The following ILRUN variants were observed in gnomAD, a reference collection of about 807,000 sequenced individuals.
The protein encoded by ILRUN is protein ILRUN.
In ILRUN, 3 loss-of-function variants were observed where a neutral mutation model predicts 33.8. The ratio of observed to expected loss-of-function variants is 0.09; its 90% CI spans 0.04 to 0.23. ILRUN has a LOEUF of 0.23. Among genes scored for constraint, ILRUN ranks in the 10% least tolerant of loss-of-function variants. The probability of loss-of-function intolerance (pLI) is 1.00; values close to 1 mark genes in which losing one functional copy is unlikely to be tolerated. For missense variants in ILRUN, 210 were observed against 375.1 expected, an observed-to-expected ratio of 0.56 and a Z score of 3.64; for synonymous variants, 124 against 138.9, an observed-to-expected ratio of 0.89 and a Z score of 0.75.
chr6:34,646,593 A>T lies in ILRUN; in HGVS notation c.511+8T>A, dbSNP rs201374582. On this transcript the variant is annotated splice_region_variant and intron_variant, in intron 3 of 4. Transcript: ENST00000374023. This position sits in a 1 kb window ranked among gnomAD's most constrained non-coding sequence, Gnocchi z 4.9. The stretch of plus-strand genomic sequence containing the variant: ...CCTTTACCCTGGGCTGCACAAGGAC[A>T]TACTCACCTCCATAGTAGAGTCCTG... The T allele has an allele frequency of 5.5e-4, 883 of 1,613,426 alleles. No homozygotes were observed. Among genetic ancestry groups the T allele is most frequent in the Non-Finnish European group, 6.9e-4 (809 of 1,179,650 alleles).
intron 1 of ILRUN, among the ~76,000 whole-genome samples, chr6:34,679,924 G>C (rs529161613): frequency 2.6e-5 from 4 of 152,374 alleles, no homozygotes; most frequent in South Asian, 2.1e-4. Context: ...AAAGAGGCAA[G>C]AAGGGATGCT....
chr6:34,638,665 A>C (rs977089420), intron 3 of ILRUN, among the ~76,000 whole-genome samples: 11 of 152,044 alleles, frequency 7.2e-5, no homozygotes, highest in Non-Finnish European at 1.6e-4. Flanking sequence ...TGATCACACC[A>C]CTGCATTCCA....
At chr6:34,622,883 G>A (rs1354616193) in intron 3 of ILRUN, among the ~76,000 whole-genome samples, 1 of 152,172 alleles carries the variant, frequency 6.6e-6, no homozygotes. Context: ...TGAACAAAAT[G>A]TAGTATATAT....
chr6:34,662,954 C>T (rs1009481451), intron 1 of ILRUN, among the ~76,000 whole-genome samples: 1 of 151,960 alleles, frequency 6.6e-6, no homozygotes, highest in Non-Finnish European at 1.5e-5. Flanking sequence ...TGGGACTACA[C>T]AGGGTGGTGT....
chr6:34,611,862 C>G (rs1266092287), intron 3 of ILRUN, among the ~76,000 whole-genome samples: 2 of 152,142 alleles, frequency 1.3e-5, no homozygotes, highest in Non-Finnish European at 1.5e-5. Context: ...AAAACTCACA[C>G]CTAACAGGAA....
chr6:34,623,927 G>A (rs1406036904), intron 3 of ILRUN, among the ~76,000 whole-genome samples: 1 of 152,122 alleles, frequency 6.6e-6, no homozygotes, highest in African/African-American at 2.4e-5. Context: ...TGCCTCCTGG[G>A]TTCAAGCGAT....
chr6:34,600,757 T>C (rs961868225), intron 4 of ILRUN, among the ~76,000 whole-genome samples: 6 of 152,162 alleles, frequency 3.9e-5, no homozygotes, highest in Non-Finnish European at 7.3e-5. Context: ...AAAAGTCACA[T>C]AATATTTGGT....
chr6:34,682,251 GTTTTTTTTTTTTTTTTT>G (rs66948142), intron 1 of ILRUN, among the ~76,000 whole-genome samples: 1 of 51,072 alleles, frequency 2.0e-5, no homozygotes, highest in Admixed American at 2.0e-4. Context: ...TGCAACCTCT[GTTTTTTTTTTTTTTTTT>G]TTTTTTTTTG....
chr6:34,640,296 G>C (rs975035876), intron 3 of ILRUN, among the ~76,000 whole-genome samples: 2 of 152,006 alleles, frequency 1.3e-5, no homozygotes, highest in Non-Finnish European at 2.9e-5. Flanking sequence ...CTCTGAGAGA[G>C]CACAGCCAAG....
At chr6:34,647,482 G>C (rs375026224) in intron 2 of ILRUN, among the ~76,000 whole-genome samples, 1 of 152,160 alleles carries the variant, frequency 6.6e-6, no homozygotes, top group Non-Finnish European at 1.5e-5. Flanking sequence ...GCACTAGTTG[G>C]AGGAGTTGGA....
At chr6:34,677,819 C>T (rs1299374592) in intron 1 of ILRUN, among the ~76,000 whole-genome samples, 4 of 151,738 alleles carry the variant, frequency 2.6e-5, no homozygotes, top group Admixed American at 6.6e-5. Context: ...TGTGGTGGCA[C>T]GTGCCTTTAA....
intron 3 of ILRUN, among the ~76,000 whole-genome samples, chr6:34,628,305 G>A (rs1762179326): frequency 6.6e-6 from 1 of 151,458 alleles, no homozygotes; most frequent in African/African-American, 2.4e-5. Context: ...ACAGCCATGA[G>A]TCACTGAGCC....
intron 1 of ILRUN, among the ~76,000 whole-genome samples, chr6:34,681,355 C>G (rs375503766): frequency 3.8e-4 from 58 of 152,274 alleles, no homozygotes; most frequent in African/African-American, 6.5e-4. Context: ...AACTGCCCCC[C>G]CTCCCAAGAC....
chr6:34,640,994 G>A (rs1217312643), intron 3 of ILRUN, among the ~76,000 whole-genome samples: 11 of 147,432 alleles, frequency 7.5e-5, no homozygotes, highest in Admixed American at 3.5e-4. Flanking sequence ...CAAGAGAATC[G>A]CTTGAACCTG....
chr6:34,637,864 CTGTTGT>C (rs57559266), intron 3 of ILRUN, among the ~76,000 whole-genome samples: 13,482 of 141,946 alleles, frequency 0.095, 791 homozygotes, highest in Non-Finnish European at 0.12. Context: ...GCTGCTGCTG[CTGTTGT>C]TGTTGTTGTT....
chr6:34,676,361 T>G (rs967245868), intron 1 of ILRUN, among the ~76,000 whole-genome samples: 4 of 151,560 alleles, frequency 2.6e-5, no homozygotes, highest in African/African-American at 9.7e-5. Flanking sequence ...ATTCTAGGAC[T>G]GTACTCTAGC....
In ILRUN at chr6:34,588,202, A is replaced by T. The variant is rs927439370; in HGVS notation, c.*2363T>A. Reference sequence around the variant, plus strand: ...CAAGGAGCTCATCTCGCCTCCAAGGATGTGCACAGAAATGGTTTGTTCTTG... The same window carrying T: ...CAAGGAGCTCATCTCGCCTCCAAGGTTGTGCACAGAAATGGTTTGTTCTTG... On this transcript the variant is annotated 3_prime_UTR_variant, in exon 5 of 5. Transcript: ENST00000374023. 3 of 398,520 alleles carry T rather than the reference A, an allele frequency of 7.5e-6. No individual in the cohort carries two copies. Among genetic ancestry groups the T allele is most frequent in the African/African-American group, 2.1e-5 (1 of 48,614 alleles). The allele number at this position is 398,520 out of a possible 1,614,324, so 24.7% of individuals were successfully genotyped here.
chr6:34,588,468 A>T lies in ILRUN; in HGVS notation c.*2097T>A. Reference sequence around the variant, plus strand: ...GGAGATGTGCTGCTTCAAGGCTACTAAGCAGTAAGAACAGCTGGGCATGCA... The same window carrying T: ...GGAGATGTGCTGCTTCAAGGCTACTTAGCAGTAAGAACAGCTGGGCATGCA... On this transcript the variant is annotated 3_prime_UTR_variant, in exon 5 of 5. Transcript: ENST00000374023. 2.7e-6 allele frequency: 1 copy of T among 370,896 alleles called. No homozygotes were observed. The highest frequency in any genetic ancestry group is 3.9e-5 in the East Asian group (1 of 25,780). 23.0% of individuals were successfully genotyped at this position (370,896 alleles called of 1,614,324 possible).
chr6:34,695,023 C>T (rs1189283781), intron 1 of ILRUN, among the ~76,000 whole-genome samples: 6 of 147,308 alleles, frequency 4.1e-5, no homozygotes, highest in Non-Finnish European at 1.5e-5. Flanking sequence ...TGCACTCCAG[C>T]CTGAGCGACA....
Sources: gnomAD v4.1 joint callset for allele counts (sites outside exome capture counted in the v4.1 genomes callset) on GRCh38, gnomAD v4.1.1 for gene constraint, Gnocchi (gnomAD v3.1) non-coding constraint, MANE v1.5 for transcripts, NCBI Gene and HGNC (gene_info 2026-07-23, HGNC 2026-07-21) for gene names.